The following AIFM3 variants were observed in gnomAD, a reference collection of about 807,000 sequenced individuals.
AIFM3 encodes apoptosis-inducing factor 3.
A neutral mutation model predicts 82.7 loss-of-function variants in AIFM3; 71 were observed. The observed-to-expected ratio is 0.86, with a 90% CI of 0.71 to 1.05. The LOEUF is 1.05. AIFM3 is among the 50% of genes least tolerant of loss of function. AIFM3 has a pLI of 0.00. For missense variants in AIFM3, 748 were observed against 816.7 expected, an observed-to-expected ratio of 0.92 and a Z score of 1.03; for synonymous variants, 337 against 329.1, an observed-to-expected ratio of 1.02 and a Z score of -0.26.
chr22:20,973,514 A>C lies in AIFM3; in HGVS notation c.239A>C (p.Asn80Thr). Residue 80 changes from asparagine (N) to threonine (T), a missense_variant, in exon 3 of 21, where the codon AAT (asparagine) becomes ACT (threonine). Coordinates refer to ENST00000440238, the MANE Select transcript of AIFM3 (RefSeq NM_001386814.1). ...GTCTGCCACGTCAAGGACCTCGAGA[A>C]TGGCCAGTGGGTTCTGGGCTTGCCT... is the stretch of plus-strand genomic sequence containing the variant. ...AAVCHVKDLE[N>T]GQMREVELGW... 1 of 1,610,642 alleles carries C rather than the reference A, an allele frequency of 6.2e-7. No homozygotes were observed. The highest frequency in any genetic ancestry group is 8.5e-7 in the Non-Finnish European group (1 of 1,179,178).
At chr22:20,979,731 G>A (rs1416187729) in intron 18 of AIFM3, 29 bp downstream of exon 18, 1 of 1,612,880 alleles carries the variant, frequency 6.2e-7, no homozygotes, top group Non-Finnish European at 8.5e-7. Flanking sequence ...AGCTTGGCGC[G>A]AAGCAGCGGG....
intron 8 of AIFM3, 125 bp downstream of exon 8, chr22:20,974,941 G>A: frequency 6.0e-6 from 5 of 834,540 alleles, no homozygotes; most frequent in Middle Eastern, 3.6e-4. Context: ...AGGCCTGTCC[G>A]TGGTACCCCC....
At position 20,980,873 on chromosome 22, in the gene AIFM3, G is replaced by C. The variant is rs527894038; in HGVS notation, c.1778+106G>C. ...CTGTCCAAGTACACCTCCCTGCTGG[G>C]CACTAGGGTCTGGCACAGAACAGAC... On this transcript the variant is annotated intron_variant, in intron 20 of 20. Coordinates refer to ENST00000440238, the MANE Select transcript of AIFM3 (RefSeq NM_001386814.1). 126 of 1,607,594 alleles carry C rather than the reference G, an allele frequency of 7.8e-5. No homozygotes were observed. In the African/African-American group the frequency reaches 1.5e-3, roughly 19 times the overall value.
At chr22:20,980,300 C>T in intron 19 of AIFM3, 176 bp downstream of exon 19, 1 of 629,562 alleles carries the variant, frequency 1.6e-6, no homozygotes, top group Admixed American at 2.9e-5. Flanking sequence ...GGTTTGAGAG[C>T]AGGCTGGTTA....
intron 6 of AIFM3, 27 bp from the exon 7 acceptor site, chr22:20,974,498 G>A: frequency 1.3e-6 from 2 of 1,599,086 alleles, no homozygotes; most frequent in South Asian, 2.3e-5. Flanking sequence ...GGATGGCAGT[G>A]ACCCTCCACC....
chr22:20,970,501 C>A (rs1923200452), intron 2 of AIFM3, among the ~76,000 whole-genome samples: 1 of 152,168 alleles, frequency 6.6e-6, no homozygotes, highest in Non-Finnish European at 1.5e-5. Flanking sequence ...CACTCCCTCA[C>A]CCAGGCTGGA....
chr22:20,977,289 C>G, intron 14 of AIFM3, 194 bp downstream of exon 14: 1 of 711,950 alleles, frequency 1.4e-6, no homozygotes, highest in Non-Finnish European at 2.3e-6. Context: ...AGGCCTGGCA[C>G]AGTGGATGCT....
chr22:20,980,162 T>C (rs1314266401), intron 19 of AIFM3, 38 bp downstream of exon 19: 9 of 1,582,482 alleles, frequency 5.7e-6, no homozygotes, highest in Non-Finnish European at 7.7e-6. Context: ...GTGGGAGTAG[T>C]TCCCTGGAGT....
chr22:20,980,629 G>T, intron 19 of AIFM3, 118 bp from the exon 20 acceptor site: 1 of 1,343,032 alleles, frequency 7.4e-7, no homozygotes, highest in South Asian at 1.2e-5. Flanking sequence ...GCCACTGGGA[G>T]GCTATGAGAC....
chr22:20,968,034 G>A (rs529727715), intron 2 of AIFM3, 59 bp downstream of exon 2: 624 of 1,248,472 alleles, frequency 5.0e-4, no homozygotes, highest in African/African-American at 1.7e-3. Flanking sequence ...CTCCTCCCCC[G>A]TCTCCCCCCC....
At position 20,980,993 on chromosome 22, in the gene AIFM3, A is replaced by G. The variant is rs1601712458; in HGVS notation, c.1780A>G (p.Thr594Ala). 6.2e-7 allele frequency: 1 copy of G among 1,614,180 alleles called. No homozygotes were observed. The highest frequency in any genetic ancestry group is 8.5e-7 in the Non-Finnish European group (1 of 1,180,018). ...EVELFVLHSK[T>A]GDMSWLTGKG... ...CCCCTCCTCCCCTCACTCCTGCAGG[A>G]CTGGCGACATGTCCTGGCTTACGGG... Residue 594 changes from threonine to alanine, a missense_variant and splice_region_variant, in exon 21 of 21, where the codon ACT (threonine) becomes GCT (alanine). This residue lies in a region of AIFM3 where 183 missense variants were observed against 158.2 expected (regional missense o/e 1.16). Coordinates refer to ENST00000440238, the MANE Select transcript of AIFM3 (RefSeq NM_001386814.1).
At position 20,967,819 on chromosome 22, in the gene AIFM3, C is replaced by T; in HGVS notation, c.-126C>T. On this transcript the variant is annotated 5_prime_UTR_variant, in exon 2 of 21. Coordinates refer to ENST00000440238, the MANE Select transcript of AIFM3 (RefSeq NM_001386814.1). ...CTCCCCTGCAGGTCCTAGAGCAGCTCCAGCAGGATGGCGGCTCCAGCGTCT... is the reference window on the plus strand; with the variant it reads ...CTCCCCTGCAGGTCCTAGAGCAGCTTCAGCAGGATGGCGGCTCCAGCGTCT... 5 of 1,031,478 alleles carry T rather than the reference C, an allele frequency of 4.8e-6. No individual in the cohort carries two copies. The highest frequency in any genetic ancestry group is 7.5e-6 in the Non-Finnish European group (5 of 664,046). 63.9% of individuals were successfully genotyped at this position (1,031,478 alleles called of 1,614,324 possible). A position where few individuals can be genotyped will look rare whatever the true frequency, so the allele number is the denominator to read the frequency against.
At chr22:20,977,606 G>T in intron 14 of AIFM3, 94 bp from the exon 15 acceptor site, 1 of 1,501,382 alleles carries the variant, frequency 6.7e-7, no homozygotes. Context: ...GGATCAGTCT[G>T]GGGCTGGCAC....
intron 20 of AIFM3, 57 bp downstream of exon 20, chr22:20,980,824 T>C (rs1184471093): frequency 6.2e-7 from 1 of 1,608,370 alleles, no homozygotes. Flanking sequence ...GCCCAGACCC[T>C]CCACCCAATG....
At chr22:20,979,427 G>A (rs1487872284) in intron 17 of AIFM3, 58 bp downstream of exon 17, 2 of 1,396,294 alleles carry the variant, frequency 1.4e-6, no homozygotes, top group Non-Finnish European at 2.0e-6. Context: ...CGGGGCTTGG[G>A]TGTGGGGCGG....
chr22:20,981,225 C>T lies in AIFM3; in HGVS notation c.*194C>T, dbSNP rs1601712742. The T allele has an allele frequency of 1.3e-5, 9 of 682,750 alleles. No homozygotes were observed. The East Asian group carries it at 2.5e-4, about 19-fold the overall frequency. The allele number at this position is 682,750 out of a possible 1,614,324, so 42.3% of individuals were successfully genotyped here. On this transcript the variant is annotated 3_prime_UTR_variant, in exon 21 of 21. Transcript: ENST00000440238. ...CCAGAAGATGCTCAACCCTCAAGGC[C>T]TCTGCTGCCACTGACAGCTGGCACT...
chr22:20,979,408 G>A (rs765631760), intron 17 of AIFM3, 39 bp downstream of exon 17: 4 of 561,602 alleles, frequency 7.1e-6, no homozygotes, highest in African/African-American at 4.2e-5. Context: ...GGCCGAGGGC[G>A]TTTAGGGGCG....
At chr22:20,974,645 C>T (rs1229185835) in intron 7 of AIFM3, 24 bp downstream of exon 7, 10 of 1,613,102 alleles carry the variant, frequency 6.2e-6, no homozygotes, top group Non-Finnish European at 8.5e-6. Flanking sequence ...TCATGAGGGG[C>T]AGGGTGGGAG....
At chr22:20,979,508 C>A (rs1923940968) in intron 17 of AIFM3, 119 bp from the exon 18 acceptor site, 1 of 1,477,554 alleles carries the variant, frequency 6.8e-7, no homozygotes, top group Non-Finnish European at 9.4e-7. Context: ...GGCGGCAAGG[C>A]TACGAACTAC....
Sources: allele counts gnomAD v4.1 joint callset (sites outside exome capture counted in the v4.1 genomes callset), GRCh38; gene constraint gnomAD v4.1.1; regional missense constraint gnomAD v4.1.1; transcripts MANE v1.5; gene names NCBI Gene and HGNC (gene_info 2026-07-23, HGNC 2026-07-21).